PRPF31: variants seen among roughly 807,000 people sequenced by gnomAD.
PRPF31 encodes U4/U6 small nuclear ribonucleoprotein Prp31.
A neutral mutation model predicts 60.4 loss-of-function variants in PRPF31; 12 were observed. The ratio of observed to expected loss-of-function variants is 0.20; its 90% CI spans 0.13 to 0.32. PRPF31 has a LOEUF of 0.32. Ranked by LOEUF, PRPF31 falls within the 10% of genes least tolerant of loss-of-function variation. The pLI, the probability that PRPF31 is intolerant of heterozygous loss-of-function variation, is 1.00. For missense variants in PRPF31, 431 were observed against 687.1 expected (o/e 0.63, Z 4.17); for synonymous variants, 287 against 287.9 (o/e 1.00, Z 0.03).
At chr19:54,129,817 G>A (rs1215179575) in intron 13 of PRPF31, among the ~76,000 whole-genome samples, 3 of 151,536 alleles carry the variant, frequency 2.0e-5, no homozygotes, top group Non-Finnish European at 2.9e-5. Context: ...GGCAGTCACC[G>A]CATCGTCGGA....
rs2073877090 is a variant in PRPF31 at position 54,124,671 on chromosome 19, T to A, written c.855+15T>A. On this transcript the variant is annotated intron_variant, in intron 8 of 13. Coordinates refer to ENST00000321030, the MANE Select transcript of PRPF31 (RefSeq NM_015629.4). Reference sequence around the variant, plus strand: ...CCCTGCCACCGGTGAGCCCACTGCGTCATGGCCCCTCCCCCGGCCCCCCTG... The same window carrying A: ...CCCTGCCACCGGTGAGCCCACTGCGACATGGCCCCTCCCCCGGCCCCCCTG... 6.2e-7 allele frequency: 1 copy of A among 1,610,660 alleles called. No homozygotes were observed. The highest frequency in any genetic ancestry group is 1.3e-5 in the African/African-American group (1 of 74,920).
chr19:54,116,227 G>A (rs587604762), intron 1 of PRPF31, among the ~76,000 whole-genome samples: 5 of 141,204 alleles, frequency 3.5e-5, no homozygotes, highest in African/African-American at 1.3e-4. Context: ...TGTCTGAGAC[G>A]GAGTTTCGCT....
At chr19:54,116,694 G>A (rs1452172371) in intron 1 of PRPF31, among the ~76,000 whole-genome samples, 5 of 152,230 alleles carry the variant, frequency 3.3e-5, no homozygotes, top group African/African-American at 9.6e-5. Context: ...CACGCAGAGC[G>A]TGCGGGACAC....
At position 54,129,141 on chromosome 19, in the gene PRPF31, C is replaced by G; in HGVS notation, c.1231C>G (p.Gln411Glu). Reference sequence around the variant, plus strand: ...GGGCAGTGGGCGTGTGCGGCAGACACAGGTAAACGAGGCCACCAAGGCCAG... The same window carrying G: ...GGGCAGTGGGCGTGTGCGGCAGACAGAGGTAAACGAGGCCACCAAGGCCAG... Reference protein sequence around the residue: ...KSGSGRVRQTQVNEATKARIS... With the variant: ...KSGSGRVRQTEVNEATKARIS... Residue 411 changes from glutamine to glutamate, a missense_variant, in exon 12 of 14, where the codon CAG becomes GAG. Transcript: ENST00000321030. 3 of 1,581,588 alleles carry G rather than the reference C, an allele frequency of 1.9e-6. No individual in the cohort carries two copies. Among genetic ancestry groups the G allele is most frequent in the Non-Finnish European group, 2.6e-6 (3 of 1,164,480 alleles).
intron 11 of PRPF31, 144 bp from the exon 12 acceptor site, chr19:54,128,913 C>T (rs915854143): frequency 2.2e-5 from 19 of 852,266 alleles, no homozygotes; most frequent in Non-Finnish European, 3.2e-5. Context: ...CAGGCCTCAG[C>T]CGGGCCGAGT....
Position 54,122,556 on chromosome 19 carries a change from T to C in PRPF31, c.382T>C (p.Leu128=), listed in dbSNP as rs2146413430. The C allele has an allele frequency of 6.2e-7, 1 of 1,614,212 alleles. No individual in the cohort carries two copies. Among genetic ancestry groups the C allele is most frequent in the Non-Finnish European group, 8.5e-7 (1 of 1,180,016 alleles). Residue 128 remains leucine, a synonymous_variant, in exon 5 of 14, where the codon TTG becomes CTG. Transcript: ENST00000321030. ...AAAGAGATTCCCTGAACTGGAGTCC[T>C]TGGTCCCCAATGCACTGGATTACAT... The part of the protein sequence containing the change: ...YSKRFPELES[L]VPNALDYIRT...
chr19:54,120,660 G>A (rs1354142237), intron 3 of PRPF31, among the ~76,000 whole-genome samples: 1 of 152,214 alleles, frequency 6.6e-6, no homozygotes, highest in African/African-American at 2.4e-5. Context: ...ACCCAGGCCA[G>A]AATGCAGTGG....
At chr19:54,116,721 C>G (rs1453386236) in intron 1 of PRPF31, among the ~76,000 whole-genome samples, 8 of 152,236 alleles carry the variant, frequency 5.3e-5, no homozygotes, top group African/African-American at 1.9e-4. Flanking sequence ...ACAAAGCAAC[C>G]TCCTGTAGTC....
Position 54,123,475 on chromosome 19 carries a change from A to C in PRPF31, c.442A>C (p.Lys148Gln). ...CCAGGAGCTGGGCAACAGCCTGGAC[A>C]AGTGCAAGAACAATGAGAACCTGCA... is the stretch of plus-strand genomic sequence containing the variant. ...TVKELGNSLD[K>Q]CKNNENLQQI... The change falls in exon 6 of 14, where the codon AAG (lysine) becomes CAG (glutamine). Residue 148 changes from lysine (K) to glutamine (Q), a missense_variant. Coordinates refer to ENST00000321030, the MANE Select transcript of PRPF31 (RefSeq NM_015629.4). 3 of 1,614,142 alleles carry C rather than the reference A, an allele frequency of 1.9e-6. No homozygotes were observed. The highest frequency in any genetic ancestry group is 2.5e-6 in the Non-Finnish European group (3 of 1,179,996).
intron 5 of PRPF31, chr19:54,122,826 T>C: frequency 1.6e-6 from 1 of 612,824 alleles, no homozygotes; most frequent in East Asian, 2.8e-5. Context: ...TGACCCACGC[T>C]GCTCCCGCTG....
rs587748731 is a variant in PRPF31 at position 54,127,909 on chromosome 19, G to A, written c.946-164G>A. ...AGGTGAACTCTGTCCTGCGTCTAGC[G>A]GTGCTAAGTCAACACCAAGAAGAAA... On this transcript the variant is annotated intron_variant, in intron 9 of 13. Transcript: ENST00000321030. 1.4e-4 allele frequency among the ~76,000 whole-genome samples: 22 copies of A among 152,344 alleles called. 1 individual carries two copies. The highest frequency in any genetic ancestry group is 1.1e-3 in the Admixed American group (17 of 15,304).
intron 5 of PRPF31, chr19:54,122,838 G>A: frequency 1.7e-6 from 1 of 601,876 alleles, no homozygotes; most frequent in Non-Finnish European, 3.0e-6. Flanking sequence ...CTCCCGCTGT[G>A]GTTGGAGCCG....
intron 3 of PRPF31, 173 bp downstream of exon 3, chr19:54,118,806 TA>T (rs113484985): frequency 0.13 from 81,833 of 640,222 alleles, 5,702 homozygotes; most frequent in Admixed American, 0.2. Flanking sequence ...TATTGCATTG[TA>T]AAGCTCATGC....
At chr19:54,116,747 G>A (rs2073652461) in intron 1 of PRPF31, among the ~76,000 whole-genome samples, 1 of 152,236 alleles carries the variant, frequency 6.6e-6, no homozygotes, top group South Asian at 2.1e-4. Flanking sequence ...TGGGGCGTGT[G>A]GGTCAGGGAG....
chr19:54,128,410 C>T (rs1482684196), intron 11 of PRPF31, 33 bp downstream of exon 11: 4 of 1,535,772 alleles, frequency 2.6e-6, no homozygotes, highest in African/African-American at 1.4e-5. Context: ...CTCAACCCCA[C>T]AGCCAGCCAG....
intron 13 of PRPF31, 150 bp downstream of exon 13, chr19:54,129,520 C>A (rs2074003879): frequency 2.0e-6 from 2 of 1,009,268 alleles, no homozygotes; most frequent in African/African-American, 1.6e-5. Context: ...GTAGACAGCT[C>A]CTGGCACACA....
intron 7 of PRPF31, chr19:54,124,199 C>A: frequency 3.0e-6 from 2 of 675,524 alleles, no homozygotes; most frequent in Non-Finnish European, 4.9e-6. Context: ...AAAATGGTTC[C>A]AAAACACAGC....
chr19:54,124,987 G>A lies in PRPF31; in HGVS notation c.855+331G>A, dbSNP rs189834468. On this transcript the variant is annotated intron_variant, in intron 8 of 13. Coordinates refer to ENST00000321030, the MANE Select transcript of PRPF31 (RefSeq NM_015629.4). ...TCAGGCCTAGCTCACGACAAGCAGCGTCGGGTTAGCGTGCAACTGCTCCGA... is the reference window on the plus strand; with the variant it reads ...TCAGGCCTAGCTCACGACAAGCAGCATCGGGTTAGCGTGCAACTGCTCCGA... 143 of 483,764 alleles carry A rather than the reference G, an allele frequency of 3.0e-4. 2 individuals carry two copies. In the East Asian group the frequency reaches 5.0e-3, roughly 17 times the overall value. 30.0% of individuals were successfully genotyped at this position (483,764 alleles called of 1,614,324 possible). A position where few individuals can be genotyped will look rare whatever the true frequency, so the allele number is the denominator to read the frequency against.
intron 5 of PRPF31, 192 bp from the exon 6 acceptor site, chr19:54,123,262 G>A: frequency 1.6e-6 from 1 of 643,662 alleles, no homozygotes; most frequent in Non-Finnish European, 2.8e-6. Flanking sequence ...GGCAGATGGT[G>A]TGGATGCTTG....
Sources: gnomAD v4.1 joint callset for allele counts (sites outside exome capture counted in the v4.1 genomes callset) on GRCh38, gnomAD v4.1.1 for gene constraint, MANE v1.5 for transcripts, NCBI Gene and HGNC (gene_info 2026-07-23, HGNC 2026-07-21) for gene names.